Variants in TRPM3 observed in about 807,000 individuals in gnomAD.
TRPM3 encodes the protein long transient receptor potential channel 3.
A neutral mutation model predicts 181.2 loss-of-function variants in TRPM3; 77 were observed. The observed-to-expected ratio is 0.42, with a 90% CI of 0.35 to 0.51. The LOEUF (loss-of-function observed/expected upper bound fraction) is 0.51, where lower values mean the gene tolerates loss of function less well. TRPM3 is among the 20% of genes least tolerant of loss of function. The probability of loss-of-function intolerance (pLI) is 0.01; values close to 1 mark genes in which losing one functional copy is unlikely to be tolerated. For synonymous variants in TRPM3, 745 were observed against 796.4 expected, an observed-to-expected ratio of 0.94 and a Z score of 1.09; for missense variants, 1,759 against 2,196.7, an observed-to-expected ratio of 0.80 and a Z score of 3.98.
At chr9:71,000,681 C>A (rs1479817392) in intron 1 of TRPM3, among the ~76,000 whole-genome samples, 1 of 152,038 alleles carries the variant, frequency 6.6e-6, no homozygotes, top group Non-Finnish European at 1.5e-5. Context: ...AGGATCTTAC[C>A]CCTTACTTCA....
chr9:71,129,805 G>A (rs560415571), intron 1 of TRPM3, among the ~76,000 whole-genome samples: 3 of 152,280 alleles, frequency 2.0e-5, no homozygotes, highest in South Asian at 4.1e-4. Flanking sequence ...CCAGAATCCT[G>A]CAAAGCACAG....
In TRPM3 at chr9:70,971,896, T is replaced by A. The variant is rs548707172; in HGVS notation, c.178-107385A>T. Among the ~76,000 whole-genome samples the A allele has an allele frequency of 3.3e-5, 5 of 152,188 alleles. No homozygotes were observed. The South Asian group carries it at 1.0e-3, about 32-fold the overall frequency. On this transcript the variant is annotated intron_variant, in intron 1 of 25. Coordinates refer to ENST00000677713, the MANE Select transcript of TRPM3 (RefSeq NM_001366145.2). Reference sequence around the variant, plus strand: ...AATCAAAACCACAATGAGATACAACTTCACACCAACCAGGATGACTGTAAT... The same window carrying A: ...AATCAAAACCACAATGAGATACAACATCACACCAACCAGGATGACTGTAAT...
intron 1 of TRPM3, among the ~76,000 whole-genome samples, chr9:70,886,655 C>CT (rs970653802): frequency 2.6e-5 from 4 of 151,774 alleles, no homozygotes; most frequent in Admixed American, 1.3e-4. Flanking sequence ...TGAGTCAACA[C>CT]TTTTTTTTCT....
chr9:70,890,937 A>G (rs1480591408), intron 1 of TRPM3, among the ~76,000 whole-genome samples: 3 of 152,028 alleles, frequency 2.0e-5, no homozygotes, highest in Non-Finnish European at 4.4e-5. Flanking sequence ...CATGAAAACA[A>G]CAACAAACAC....
intron 1 of TRPM3, among the ~76,000 whole-genome samples, chr9:71,415,302 G>C (rs1435678715): frequency 1.3e-5 from 2 of 152,062 alleles, no homozygotes; most frequent in Admixed American, 1.3e-4. Context: ...AACTGTGGGA[G>C]AATAAACTTC....
At chr9:70,609,784 T>C (rs1057297582) in intron 19 of TRPM3, among the ~76,000 whole-genome samples, 1 of 152,302 alleles carries the variant, frequency 6.6e-6, no homozygotes, top group Non-Finnish European at 1.5e-5. Flanking sequence ...TGTTGCTGAC[T>C]CAAATGACTG....
intron 1 of TRPM3, among the ~76,000 whole-genome samples, chr9:70,879,342 G>A (rs538836239): frequency 6.6e-6 from 1 of 152,178 alleles, no homozygotes. Context: ...AATTAAATTT[G>A]TGTCCTTTCT....
At chr9:70,814,898 TC>T (rs1176033452) in intron 6 of TRPM3, among the ~76,000 whole-genome samples, 1 of 145,384 alleles carries the variant, frequency 6.9e-6, no homozygotes, top group Non-Finnish European at 1.5e-5. Flanking sequence ...CCTCTTTCCC[TC>T]CCCCTCCCTT....
At chr9:71,303,651 G>A (rs370971350) in intron 1 of TRPM3, among the ~76,000 whole-genome samples, 1 of 152,186 alleles carries the variant, frequency 6.6e-6, no homozygotes, top group South Asian at 2.1e-4. Flanking sequence ...CTGTAAAACA[G>A]AGCTCAAGCT....
chr9:71,394,042 T>G (rs2093130776), intron 1 of TRPM3, among the ~76,000 whole-genome samples: 1 of 152,160 alleles, frequency 6.6e-6, no homozygotes, highest in Admixed American at 6.5e-5. Flanking sequence ...AGAGATCCAC[T>G]GATTTCATTA....
intron 1 of TRPM3, among the ~76,000 whole-genome samples, chr9:71,180,724 T>G (rs562302664): frequency 3.3e-4 from 50 of 152,284 alleles, no homozygotes; most frequent in Middle Eastern, 3.4e-3. Context: ...AGAAGAAAGC[T>G]TGTATCATAT....
Position 70,536,125 on chromosome 9 carries a change from C to G in TRPM3, c.4988G>C (p.Arg1663Thr). Residue 1663 changes from arginine (R) to threonine (T), a missense_variant, in exon 26 of 26, where the codon AGG (arginine) becomes ACG (threonine). Transcript: ENST00000677713. Reference protein sequence around the residue: ...EEPSAPYAHTRKSFSISDKLD... With the variant: ...EEPSAPYAHTTKSFSISDKLD... ...TTTGTCACTGATGGAGAAGCTCTTC[C>G]TGGTGTGTGCATATGGCGCACTTGG... The G allele has an allele frequency of 1.2e-6, 2 of 1,614,212 alleles. No homozygotes were observed. The highest frequency in any genetic ancestry group is 1.7e-6 in the Non-Finnish European group (2 of 1,180,042).
intron 1 of TRPM3, among the ~76,000 whole-genome samples, chr9:70,892,115 CTT>C (rs1311410145): frequency 2.0e-5 from 3 of 152,174 alleles, no homozygotes; most frequent in African/African-American, 2.4e-5. Flanking sequence ...ACTGAGAGGA[CTT>C]TTAATTCTCA....
At chr9:71,129,947 G>C (rs1289914163) in intron 1 of TRPM3, among the ~76,000 whole-genome samples, 1 of 152,034 alleles carries the variant, frequency 6.6e-6, no homozygotes, top group Non-Finnish European at 1.5e-5. Context: ...GTACTCATTT[G>C]GTATGCTCAA....
intron 1 of TRPM3, among the ~76,000 whole-genome samples, chr9:71,216,251 A>ATTC (rs35353751): frequency 0.43 from 65,053 of 151,852 alleles, 14,295 homozygotes; most frequent in East Asian, 0.52. Context: ...AATACTAATT[A>ATTC]TTCTTATTTG....
intron 1 of TRPM3, among the ~76,000 whole-genome samples, chr9:71,083,480 C>T (rs753562039): frequency 2.6e-5 from 4 of 152,000 alleles, no homozygotes; most frequent in Non-Finnish European, 5.9e-5. Flanking sequence ...ATTGGATGAG[C>T]CAGTCTTAAG....
At chr9:70,564,974 GC>G (rs762583604) in intron 22 of TRPM3, among the ~76,000 whole-genome samples, 48 of 152,294 alleles carry the variant, frequency 3.2e-4, no homozygotes, top group South Asian at 1.7e-3. Flanking sequence ...TCCTCTCTGT[GC>G]CCTCTGGATC....
At chr9:70,993,680 G>A (rs2097511532) in intron 1 of TRPM3, among the ~76,000 whole-genome samples, 1 of 149,926 alleles carries the variant, frequency 6.7e-6, no homozygotes, top group African/African-American at 2.5e-5. Flanking sequence ...GGGTGCGTGA[G>A]ATTATCTGTG....
At chr9:71,110,170 A>G (rs1307730343) in intron 1 of TRPM3, among the ~76,000 whole-genome samples, 1 of 152,120 alleles carries the variant, frequency 6.6e-6, no homozygotes, top group Non-Finnish European at 1.5e-5. Context: ...GACAAATAGG[A>G]ACATCCAAAT....
Sources: gnomAD v4.1 joint callset for allele counts (sites outside exome capture counted in the v4.1 genomes callset) on GRCh38, gnomAD v4.1.1 for gene constraint, MANE v1.5 for transcripts, NCBI Gene and HGNC (gene_info 2026-07-23, HGNC 2026-07-21) for gene names.